The following ADAMTS19 variants were observed in gnomAD, a reference collection of about 807,000 sequenced individuals.
The protein encoded by ADAMTS19 is A disintegrin and metalloproteinase with thrombospondin motifs 19.
Under a neutral mutation model 153.3 loss-of-function variants are expected in ADAMTS19, and 93 were observed. That is an observed-to-expected ratio of 0.61 (90% CI 0.51 to 0.72). The LOEUF (loss-of-function observed/expected upper bound fraction) is 0.72. Ranked by LOEUF, ADAMTS19 falls within the 30% of genes least tolerant of loss-of-function variation. The probability of loss-of-function intolerance (pLI) is 0.00; values close to 1 mark genes in which losing one functional copy is unlikely to be tolerated. For missense variants in ADAMTS19, 1,482 were observed against 1,552.1 expected (o/e 0.95, Z 0.76); for synonymous variants, 600 against 556.6 (o/e 1.08, Z -1.10).
chr5:129,462,700 G>A (rs1749724162), intron 2 of ADAMTS19, among the ~76,000 whole-genome samples: 1 of 151,982 alleles, frequency 6.6e-6, no homozygotes, highest in African/African-American at 2.4e-5. Flanking sequence ...GTACATTCAC[G>A]TTGTTGTGCA....
At chr5:129,647,944 T>C in intron 12 of ADAMTS19, 49 bp downstream of exon 12, 2 of 1,578,652 alleles carry the variant, frequency 1.3e-6, no homozygotes, top group Non-Finnish European at 1.7e-6. Flanking sequence ...AATTTTGGAA[T>C]GCAAAGGTTT....
intron 21 of ADAMTS19, among the ~76,000 whole-genome samples, chr5:129,729,544 G>A (rs1422494191): frequency 6.6e-6 from 1 of 151,872 alleles, no homozygotes; most frequent in Non-Finnish European, 1.5e-5. Flanking sequence ...AAATCTATTA[G>A]TTATTAGTTT....
chr5:129,735,119 CA>C lies in ADAMTS19; in HGVS notation c.3490+20del, dbSNP rs375094528. Reference sequence around the variant, plus strand: ...ACATCACCCAGACTGGGTAAGCAGACAAAAAAAAAAGATGCTTTTGAAAAAC... The same window carrying C: ...ACATCACCCAGACTGGGTAAGCAGACAAAAAAAAAGATGCTTTTGAAAAAC... On this transcript the variant is annotated intron_variant, in intron 22 of 22. Coordinates refer to ENST00000274487, the MANE Select transcript of ADAMTS19 (RefSeq NM_133638.6). The C allele has an allele frequency of 6.1e-3, 7,826 of 1,276,902 alleles. 3 individuals carry two copies. The highest frequency in any genetic ancestry group is 0.016 in the South Asian group (1,008 of 63,366). The allele number at this position is 1,276,902 out of a possible 1,614,324, so 79.1% of individuals were successfully genotyped here.
At chr5:129,513,630 A>G (rs1400922040) in intron 3 of ADAMTS19, among the ~76,000 whole-genome samples, 2 of 151,844 alleles carry the variant, frequency 1.3e-5, no homozygotes, top group African/African-American at 4.8e-5. Flanking sequence ...TTGTATCCTC[A>G]TTTCTTATTT....
rs1754715011 is a variant in ADAMTS19 at position 129,679,797 on chromosome 5, G to C, written c.2540G>C (p.Ser847Thr). 1.2e-6 allele frequency: 2 copies of C among 1,613,730 alleles called. No homozygotes were observed. Among genetic ancestry groups the C allele is most frequent in the Non-Finnish European group, 1.7e-6 (2 of 1,179,778 alleles). ...GATGCTGGCAAACAGTCTATTAATA[G>C]TGACTGGAAGATTGAACACTCTGGA... Reference protein sequence around the residue: ...LRDAGKQSINSDWKIEHSGAF... With the variant: ...LRDAGKQSINTDWKIEHSGAF... The change falls in exon 17 of 23, where the codon AGT (serine) becomes ACT (threonine). Residue 847 changes from serine (S) to threonine (T), a missense_variant. By Grantham distance (58) the Ser-to-Thr change is moderately conservative. Coordinates refer to ENST00000274487, the MANE Select transcript of ADAMTS19 (RefSeq NM_133638.6).
At chr5:129,700,216 G>A (rs1175480072) in intron 19 of ADAMTS19, among the ~76,000 whole-genome samples, 5 of 152,160 alleles carry the variant, frequency 3.3e-5, no homozygotes, top group African/African-American at 9.7e-5. Flanking sequence ...TCTCCATCTA[G>A]ATATTAAAAT....
At chr5:129,671,949 T>C (rs1011299856) in intron 16 of ADAMTS19, among the ~76,000 whole-genome samples, 2 of 152,164 alleles carry the variant, frequency 1.3e-5, no homozygotes, top group Admixed American at 1.3e-4. Context: ...AAAAAACACT[T>C]TTTATAATGT....
chr5:129,499,375 A>G (rs73787528), intron 2 of ADAMTS19, among the ~76,000 whole-genome samples: 1,986 of 152,210 alleles, frequency 0.013, 40 homozygotes, highest in African/African-American at 0.045. Flanking sequence ...CTCATTTTCC[A>G]CTTGACCAGT....
chr5:129,497,323 C>T (rs556893409), intron 2 of ADAMTS19, among the ~76,000 whole-genome samples: 2 of 152,120 alleles, frequency 1.3e-5, no homozygotes, highest in East Asian at 3.9e-4. Context: ...TGTTAGGGTC[C>T]TCAGGGATTG....
In ADAMTS19 at chr5:129,603,049, G is replaced by GA. The variant is rs774610531; in HGVS notation, c.1478+6395dup. On this transcript the variant is annotated intron_variant, in intron 8 of 22. Transcript: ENST00000274487. Reference sequence around the variant, plus strand: ...TCCCTCATTGAAAGAGTCTTGACGTGAAAAAAAAAAGCTGAAGTAAACTGT... The same window carrying GA: ...TCCCTCATTGAAAGAGTCTTGACGTGAAAAAAAAAAAGCTGAAGTAAACTGT... Among the ~76,000 whole-genome samples the GA allele has an allele frequency of 5.4e-3, 790 of 146,824 alleles. 1 individual carries two copies. The highest frequency in any genetic ancestry group is 0.01 in the Middle Eastern group (3 of 286).
rs112061785 is a variant in ADAMTS19 at position 129,714,959 on chromosome 5, T to G, written c.3312+10568T>G. Among the ~76,000 whole-genome samples, 539 of 152,296 alleles carry G rather than the reference T, an allele frequency of 3.5e-3. 12 individuals carry two copies. Among genetic ancestry groups the G allele is most frequent in the Middle Eastern group, 0.02 (6 of 294 alleles). On this transcript the variant is annotated intron_variant, in intron 21 of 22. Transcript: ENST00000274487. ...CATGATGCTATTTTAAACAGTAGAA[T>G]ATTGTAGCTTTTAAAAAAATTTATA...
intron 19 of ADAMTS19, among the ~76,000 whole-genome samples, chr5:129,700,126 T>C (rs1422465): frequency 0.02 from 3,062 of 152,316 alleles, 76 homozygotes; most frequent in African/African-American, 0.064. Context: ...TACCAAATTT[T>C]AAGAATCACT....
At chr5:129,525,124 T>G (rs543119133) in intron 3 of ADAMTS19, among the ~76,000 whole-genome samples, 29 of 152,224 alleles carry the variant, frequency 1.9e-4, no homozygotes, top group African/African-American at 6.3e-4. Context: ...CCACTCTGAG[T>G]AGTTTGTACA....
intron 3 of ADAMTS19, among the ~76,000 whole-genome samples, chr5:129,521,283 T>C (rs904641722): frequency 3.3e-5 from 5 of 152,176 alleles, no homozygotes; most frequent in Non-Finnish European, 7.4e-5. Flanking sequence ...GCACAGAGTA[T>C]ACATCTAGGT....
intron 21 of ADAMTS19, among the ~76,000 whole-genome samples, chr5:129,719,526 A>G (rs1756882099): frequency 6.6e-6 from 1 of 152,188 alleles, no homozygotes; most frequent in Admixed American, 6.5e-5. Flanking sequence ...TGGATTCTCC[A>G]TGTATAAAAC....
At chr5:129,473,900 T>C (rs578013066) in intron 2 of ADAMTS19, among the ~76,000 whole-genome samples, 1 of 152,216 alleles carries the variant, frequency 6.6e-6, no homozygotes, top group Non-Finnish European at 1.5e-5. Flanking sequence ...TGCCCTTTTT[T>C]CCAACATCTT....
chr5:129,654,599 C>T (rs1753461873), intron 14 of ADAMTS19, among the ~76,000 whole-genome samples, 166 bp downstream of exon 14: 2 of 152,162 alleles, frequency 1.3e-5, no homozygotes, highest in African/African-American at 4.8e-5. Flanking sequence ...TTTGAAACCT[C>T]ATTTTTCCAT....
intron 7 of ADAMTS19, among the ~76,000 whole-genome samples, chr5:129,557,902 G>A (rs752973533): frequency 6.6e-6 from 1 of 151,272 alleles, no homozygotes; most frequent in Non-Finnish European, 1.5e-5. Context: ...AACCAAGTAC[G>A]GTTATTTTAT....
chr5:129,654,457 G>T, intron 14 of ADAMTS19, 24 bp downstream of exon 14: 2 of 1,583,744 alleles, frequency 1.3e-6, no homozygotes, highest in Middle Eastern at 1.7e-4. Context: ...AAAAAAAAAA[G>T]AATTTATATG....
Sources: gnomAD v4.1 joint callset for allele counts (sites outside exome capture counted in the v4.1 genomes callset) on GRCh38, gnomAD v4.1.1 for gene constraint, MANE v1.5 for transcripts, NCBI Gene and HGNC (gene_info 2026-07-23, HGNC 2026-07-21) for gene names.